KCNQ1: variants seen among roughly 807,000 people sequenced by gnomAD.
KCNQ1 encodes the protein potassium voltage-gated channel subfamily Q member 1.
Under a neutral mutation model 72.4 loss-of-function variants are expected in KCNQ1, and 49 were observed. That is an observed-to-expected ratio of 0.68 (90% CI 0.54 to 0.86). KCNQ1 has a LOEUF of 0.86. KCNQ1 is among the 40% of genes least tolerant of loss of function. KCNQ1 has a pLI of 0.00. For synonymous variants in KCNQ1, 450 were observed against 412.6 expected, an observed-to-expected ratio of 1.09 and a Z score of -1.10; for missense variants, 790 against 945.1, an observed-to-expected ratio of 0.84 and a Z score of 2.15.
In KCNQ1 at chr11:2,601,305, G is replaced by A. The variant is rs1342488740; in HGVS notation, c.1393+12451G>A. 6.6e-6 allele frequency among the ~76,000 whole-genome samples: 1 copy of A among 152,136 alleles called. No individual in the cohort carries two copies. Among genetic ancestry groups the A allele is most frequent in the African/African-American group, 2.4e-5 (1 of 41,430 alleles). ...TTTTCCACGTGCCTAGTGCCCAATT[G>A]TGTATCTTCTTTAGTGAAATATTTA... On this transcript the variant is annotated intron_variant, in intron 10 of 15. Transcript: ENST00000155840. The surrounding 1 kb of genome is among the most constrained non-coding windows in gnomAD (Gnocchi z 5.2).
intron 11 of KCNQ1, chr11:2,667,758 C>T (rs1045304950): frequency 5.3e-5 from 21 of 398,580 alleles, no homozygotes; most frequent in Admixed American, 1.8e-4. Context: ...CTGGGCCTAG[C>T]GGCCCTGAAG....
intron 15 of KCNQ1, among the ~76,000 whole-genome samples, chr11:2,843,831 CT>C (rs1848261055): frequency 6.6e-6 from 1 of 152,208 alleles, no homozygotes; most frequent in African/African-American, 2.4e-5. Context: ...CTGCATAGGT[CT>C]CTTATGGTTA....
chr11:2,503,597 G>A (rs1350579283), intron 1 of KCNQ1, among the ~76,000 whole-genome samples: 4 of 151,524 alleles, frequency 2.6e-5, no homozygotes, highest in African/African-American at 7.3e-5. Flanking sequence ...GCTAAATGAC[G>A]AGTTAATGGG....
intron 2 of KCNQ1, among the ~76,000 whole-genome samples, chr11:2,556,990 G>T (rs900970249): frequency 6.6e-6 from 1 of 152,202 alleles, no homozygotes; most frequent in Non-Finnish European, 1.5e-5. Flanking sequence ...AATGTAAATC[G>T]CCTGAATTCC....
intron 11 of KCNQ1, chr11:2,694,150 AGGG>A: frequency 2.5e-6 from 1 of 398,690 alleles, no homozygotes; most frequent in Non-Finnish European, 4.4e-6. Context: ...ACTGCTGACC[AGGG>A]AAGAGGGTAC....
intron 11 of KCNQ1, among the ~76,000 whole-genome samples, chr11:2,729,179 G>A (rs1382205917): frequency 1.3e-5 from 2 of 152,248 alleles, no homozygotes; most frequent in Non-Finnish European, 2.9e-5. Context: ...TGCTTAGCAA[G>A]GCCTAGGGGC....
chr11:2,797,789 C>T (rs1847168582), intron 15 of KCNQ1, among the ~76,000 whole-genome samples: 1 of 152,184 alleles, frequency 6.6e-6, no homozygotes, highest in Non-Finnish European at 1.5e-5. Flanking sequence ...CTGCCTCACC[C>T]TGACCACATG....
rs964281472 is a variant in KCNQ1, at chr11:2,646,372, A to G, written c.1394-15589A>G. On this transcript the variant is annotated intron_variant, in intron 10 of 15. Transcript: ENST00000155840. The stretch of plus-strand genomic sequence containing the variant: ...CTCAAAAAATTTTGTAGCCTCTTCA[A>G]TTACTGTTATCAGTATTTTATAGTT... 4.3e-5 allele frequency: 17 copies of G among 398,494 alleles called. No individual in the cohort carries two copies. In the Admixed American group the frequency reaches 6.6e-4, roughly 15 times the overall value. 24.7% of individuals were successfully genotyped at this position (398,494 alleles called of 1,614,324 possible).
chr11:2,454,868 T>C (rs1564785374), intron 1 of KCNQ1, among the ~76,000 whole-genome samples: 1 of 152,094 alleles, frequency 6.6e-6, no homozygotes, highest in Admixed American at 6.6e-5. Context: ...AAGACAAGGA[T>C]GCCCACTTTC....
intron 10 of KCNQ1, among the ~76,000 whole-genome samples, chr11:2,596,969 C>T (rs1246290305): frequency 6.6e-6 from 1 of 151,956 alleles, no homozygotes; most frequent in Non-Finnish European, 1.5e-5. Flanking sequence ...TGCCACTCAC[C>T]TATAGGCATG....
At chr11:2,532,557 G>A (rs543397281) in intron 2 of KCNQ1, among the ~76,000 whole-genome samples, 19 of 152,320 alleles carry the variant, frequency 1.2e-4, no homozygotes, top group African/African-American at 3.8e-4. Context: ...CTTGACAGGC[G>A]GATGTACAGA....
rs1362068279 is a variant in KCNQ1, at chr11:2,671,267, C to T, written c.1514+9186C>T. 4 of 398,536 alleles carry T rather than the reference C, an allele frequency of 1.0e-5. No homozygotes were observed. The highest frequency in any genetic ancestry group is 1.8e-5 in the Non-Finnish European group (4 of 226,100). The allele number at this position is 398,536 out of a possible 1,614,324, so 24.7% of individuals were successfully genotyped here. On this transcript the variant is annotated intron_variant, in intron 11 of 15. Coordinates refer to ENST00000155840, the MANE Select transcript of KCNQ1 (RefSeq NM_000218.3). The surrounding 1 kb of genome is among the most constrained non-coding windows in gnomAD (Gnocchi z 4.7). ...CAAAATCCGATGTCCCCACCATCCC[C>T]AGCCCCTTAGCCTCTGATCTTCTCC...
rs559197057 is a variant in KCNQ1, at chr11:2,539,204, G to A, written c.477+11186G>A. ...CCTCCTCCAGATCTCCGCCAGGTGCGCCCCCTGAAGGAAAAGGGGATGGGG... is the reference window on the plus strand; with the variant it reads ...CCTCCTCCAGATCTCCGCCAGGTGCACCCCCTGAAGGAAAAGGGGATGGGG... On this transcript the variant is annotated intron_variant, in intron 2 of 15. Transcript: ENST00000155840. Among the ~76,000 whole-genome samples, 21 of 152,276 alleles carry A rather than the reference G, an allele frequency of 1.4e-4. No homozygotes were observed. In the East Asian group the frequency reaches 2.9e-3, roughly 21 times the overall value.
intron 6 of KCNQ1, 48 bp from the exon 7 acceptor site, chr11:2,583,387 C>T (rs368724313): frequency 3.1e-5 from 43 of 1,388,566 alleles, no homozygotes; most frequent in Middle Eastern, 3.5e-4. Flanking sequence ...TTGGCCCTCC[C>T]GAGGCTCCAG....
intron 15 of KCNQ1, among the ~76,000 whole-genome samples, chr11:2,836,421 G>C (rs1037280074): frequency 1.5e-4 from 23 of 152,194 alleles, no homozygotes; most frequent in African/African-American, 5.6e-4. Context: ...AGGAGGTAGA[G>C]GGTGAGGCCG....
chr11:2,481,580 G>A lies in KCNQ1; in HGVS notation c.386+36096G>A, dbSNP rs1207077204. On this transcript the variant is annotated intron_variant, in intron 1 of 15. Coordinates refer to ENST00000155840, the MANE Select transcript of KCNQ1 (RefSeq NM_000218.3). This position sits in a 1 kb window ranked among gnomAD's most constrained non-coding sequence, Gnocchi z 4.6. ...GCACAGCAGGAGGTGAGTGGCAGGT[G>A]AGCAAGTGAAGCTTCATCTGTATTT... 2.6e-5 allele frequency among the ~76,000 whole-genome samples: 4 copies of A among 152,172 alleles called. No individual in the cohort carries two copies. Among genetic ancestry groups the A allele is most frequent in the African/African-American group, 9.7e-5 (4 of 41,450 alleles).
chr11:2,573,904 A>G (rs1848378636), intron 6 of KCNQ1, among the ~76,000 whole-genome samples: 1 of 152,198 alleles, frequency 6.6e-6, no homozygotes. Context: ...CCCAAGTCCC[A>G]AGTCACTGGC....
intron 1 of KCNQ1, among the ~76,000 whole-genome samples, chr11:2,470,525 C>G (rs971062269): frequency 6.6e-6 from 1 of 152,012 alleles, no homozygotes; most frequent in Non-Finnish European, 1.5e-5. Context: ...GGAAGACAAG[C>G]CGGCGTCTTA....
Position 2,526,865 on chromosome 11 carries a change from G to C in KCNQ1, c.387-1063G>C, listed in dbSNP as rs761845446. 6.6e-5 allele frequency among the ~76,000 whole-genome samples: 10 copies of C among 152,124 alleles called. No individual in the cohort carries two copies. The South Asian group carries it at 1.0e-3, about 16-fold the overall frequency. ...CTGGGGCACCCTATGCCAGGCAGAG[G>C]ATCTATGCCGGGGCCCCCAGGGTCT... is the stretch of plus-strand genomic sequence containing the variant. On this transcript the variant is annotated intron_variant, in intron 1 of 15. Coordinates refer to ENST00000155840, the MANE Select transcript of KCNQ1 (RefSeq NM_000218.3). The surrounding 1 kb of genome is among the most constrained non-coding windows in gnomAD (Gnocchi z 6.1).
Sources: allele counts gnomAD v4.1 joint callset (sites outside exome capture counted in the v4.1 genomes callset), GRCh38; gene constraint gnomAD v4.1.1; non-coding constraint Gnocchi (gnomAD v3.1); transcripts MANE v1.5; gene names NCBI Gene and HGNC (gene_info 2026-07-23, HGNC 2026-07-21).